Variants in DHX15 observed in about 807,000 individuals in gnomAD.
The protein encoded by DHX15 is ATP-dependent RNA helicase DHX15.
DHX15 carries 11 observed loss-of-function variants against 94.4 expected under a neutral mutation model. The ratio of observed to expected loss-of-function variants is 0.12; its 90% CI spans 0.07 to 0.19. The LOEUF (loss-of-function observed/expected upper bound fraction) is 0.19, where lower values mean the gene tolerates loss of function less well. Ranked by LOEUF, DHX15 falls within the 10% of genes least tolerant of loss-of-function variation. The pLI is 1.00. For synonymous variants in DHX15, 338 were observed against 329.9 expected (o/e 1.02, Z -0.27); for missense variants, 304 against 988.5 (o/e 0.31, Z 9.29).
At chr4:24,547,586 AAC>A (rs1560765392) in intron 6 of DHX15, among the ~76,000 whole-genome samples, 1 of 152,144 alleles carries the variant, frequency 6.6e-6, no homozygotes, top group Non-Finnish European at 1.5e-5. Flanking sequence ...ATGGTAAACA[AAC>A]ACAACGTTTT....
rs766771378 is a variant in DHX15 at position 24,584,304 on chromosome 4, C to T, written c.71+19G>A. ...CAACAAAGCCCGAGCTGCCGCCTCG[C>T]GCCCCCGGCCTGGCTTACCCATCGG... On this transcript the variant is annotated intron_variant, in intron 1 of 13. Transcript: ENST00000336812. The T allele has an allele frequency of 1.9e-6, 3 of 1,606,912 alleles. No individual in the cohort carries two copies. Among genetic ancestry groups the T allele is most frequent in the African/African-American group, 1.3e-5 (1 of 74,488 alleles).
chr4:24,579,161 C>G (rs184970637), intron 1 of DHX15, among the ~76,000 whole-genome samples: 1 of 152,274 alleles, frequency 6.6e-6, no homozygotes. Flanking sequence ...ATCACCATTG[C>G]AAGACACTGC....
intron 5 of DHX15, among the ~76,000 whole-genome samples, chr4:24,550,789 T>G (rs753331533): frequency 2.0e-5 from 3 of 152,218 alleles, no homozygotes; most frequent in Non-Finnish European, 2.9e-5. Flanking sequence ...TGTAGTATAG[T>G]AAATACAAAA....
intron 6 of DHX15, among the ~76,000 whole-genome samples, chr4:24,546,986 A>C (rs1368549314): frequency 6.6e-6 from 1 of 152,202 alleles, no homozygotes; most frequent in Non-Finnish European, 1.5e-5. Context: ...ACTTGTATAG[A>C]TCCCTCCTCT....
rs1722550304 is a variant in DHX15, at chr4:24,584,174, C to A, written c.71+149G>T. ...CTTGCCGGGCCGAACGGGCGCCGCG[C>A]TTCTCCTACCCGCCGCTAGTGAACC... On this transcript the variant is annotated intron_variant, in intron 1 of 13. Transcript: ENST00000336812. 7 of 828,020 alleles carry A rather than the reference C, an allele frequency of 8.5e-6. No homozygotes were observed. In the South Asian group the frequency reaches 1.0e-4, roughly 12 times the overall value. 51.3% of individuals were successfully genotyped at this position (828,020 alleles called of 1,614,324 possible).
At chr4:24,558,943 T>C (rs1050057047) in intron 3 of DHX15, among the ~76,000 whole-genome samples, 4 of 152,136 alleles carry the variant, frequency 2.6e-5, no homozygotes, top group Non-Finnish European at 4.4e-5. Flanking sequence ...AAGGAACCCA[T>C]TGTACGTACA....
intron 13 of DHX15, among the ~76,000 whole-genome samples, chr4:24,528,423 G>C (rs746107123): frequency 2.0e-4 from 30 of 152,224 alleles, no homozygotes; most frequent in South Asian, 8.3e-4. Context: ...CAAATGATTG[G>C]ATCTTTTCAT....
rs543600738 is a variant in DHX15 at position 24,579,755 on chromosome 4, G to A, written c.72-3077C>T. 9.5e-4 allele frequency among the ~76,000 whole-genome samples: 145 copies of A among 152,236 alleles called. 1 individual carries two copies. The highest frequency in any genetic ancestry group is 3.2e-3 in the African/African-American group (134 of 41,526). Reference sequence around the variant, plus strand: ...TGGCACATTGCAAATGCCCAATATCGGTTGTTGTTGTTATTATTACTATTA... The same window carrying A: ...TGGCACATTGCAAATGCCCAATATCAGTTGTTGTTGTTATTATTACTATTA... On this transcript the variant is annotated intron_variant, in intron 1 of 13. Coordinates refer to ENST00000336812, the MANE Select transcript of DHX15 (RefSeq NM_001358.3).
At chr4:24,534,685 C>T (rs181547110) in intron 11 of DHX15, among the ~76,000 whole-genome samples, 1 of 152,014 alleles carries the variant, frequency 6.6e-6, no homozygotes, top group Non-Finnish European at 1.5e-5. Context: ...ATCTAGTTTT[C>T]GATTTCAAAG....
chr4:24,576,165 G>T, intron 2 of DHX15, 78 bp downstream of exon 2: 3 of 1,164,592 alleles, frequency 2.6e-6, no homozygotes, highest in South Asian at 2.9e-5. Context: ...CAAGGGAAAT[G>T]ACCACCAGAA....
intron 1 of DHX15, among the ~76,000 whole-genome samples, chr4:24,580,510 CTT>C (rs36034914): frequency 1.1e-3 from 151 of 139,188 alleles, no homozygotes; most frequent in Middle Eastern, 3.8e-3. Context: ...ATAAGCATTG[CTT>C]TTTTTTTTTT....
intron 12 of DHX15, chr4:24,530,464 C>G (rs188646483): frequency 6.6e-6 from 1 of 152,268 alleles, no homozygotes; most frequent in East Asian, 1.9e-4. Context: ...TGTATCCCAG[C>G]TACTCAGGAG....
chr4:24,556,253 T>C lies in DHX15; in HGVS notation c.859A>G (p.Lys287Glu), dbSNP rs532046223. Residue 287 changes from lysine (K) to glutamate (E), a missense_variant and splice_region_variant, in exon 4 of 14, where the codon AAG becomes GAG. This residue lies in a region of DHX15 where 29 missense variants were observed against 181.6 expected (regional missense o/e 0.16). Transcript: ENST00000336812. ...ATGGAGAGAAGAAATTACTTCACCT[T>C]TAAATCTGATCTCTGTCTTACAACT... ...KEVVRQRSDLKVIVMSATLDA... is the reference protein window; with the variant it reads ...KEVVRQRSDLEVIVMSATLDA... The C allele has an allele frequency of 6.2e-7, 1 of 1,613,268 alleles. No homozygotes were observed. The highest frequency in any genetic ancestry group is 2.2e-5 in the East Asian group (1 of 44,814).
intron 11 of DHX15, among the ~76,000 whole-genome samples, chr4:24,536,283 A>G (rs1560761277): frequency 6.7e-6 from 1 of 150,258 alleles, no homozygotes; most frequent in African/African-American, 2.4e-5. Context: ...TAGGTAGCCA[A>G]TTTTTTTTTT....
chr4:24,542,058 A>G (rs1349307210), intron 7 of DHX15, 36 bp from the exon 8 acceptor site: 10 of 1,538,118 alleles, frequency 6.5e-6, no homozygotes, highest in South Asian at 1.2e-5. Flanking sequence ...GTCTTTCTTC[A>G]GTCAAACACA....
intron 3 of DHX15, among the ~76,000 whole-genome samples, chr4:24,558,148 T>C (rs570721950): frequency 2.6e-5 from 4 of 152,108 alleles, no homozygotes; most frequent in African/African-American, 9.7e-5. Context: ...GCAAATACTC[T>C]CAGTATATAC....
chr4:24,579,620 G>A (rs535627488), intron 1 of DHX15, among the ~76,000 whole-genome samples: 4 of 152,226 alleles, frequency 2.6e-5, no homozygotes, highest in South Asian at 2.1e-4. Flanking sequence ...GCCAACTATA[G>A]GATCACAGTT....
At chr4:24,529,908 A>G (rs1440462024) in intron 12 of DHX15, 138 bp from the exon 13 acceptor site, 11 of 906,888 alleles carry the variant, frequency 1.2e-5, no homozygotes, top group Admixed American at 2.4e-5. Flanking sequence ...CTGTCTGATA[A>G]AAGCAGAGAT....
At chr4:24,532,776 T>C in intron 12 of DHX15, 88 bp downstream of exon 12, 1 of 1,028,150 alleles carries the variant, frequency 9.7e-7, no homozygotes, top group South Asian at 2.0e-5. Context: ...ACAAACTCAC[T>C]TTTGCTTTTG....
Sources: allele counts gnomAD v4.1 joint callset (sites outside exome capture counted in the v4.1 genomes callset), GRCh38; gene constraint gnomAD v4.1.1; regional missense constraint gnomAD v4.1.1; transcripts MANE v1.5; gene names NCBI Gene and HGNC (gene_info 2026-07-23, HGNC 2026-07-21).